Variants in SPOCK3 observed in about 807,000 individuals in gnomAD.
The protein encoded by SPOCK3 is SPARC (osteonectin), cwcv and kazal like domains proteoglycan 3, also known as testican-3.
A neutral mutation model predicts 56.6 loss-of-function variants in SPOCK3; 30 were observed. The observed-to-expected ratio is 0.53, with a 90% CI of 0.40 to 0.72. The LOEUF (loss-of-function observed/expected upper bound fraction) is 0.72. Among genes scored for constraint, SPOCK3 ranks in the 30% least tolerant of loss-of-function variants. The probability of loss-of-function intolerance (pLI) is 0.00; values close to 1 mark genes in which losing one functional copy is unlikely to be tolerated. For missense variants in SPOCK3, 527 were observed against 530.0 expected (o/e 0.99, Z 0.06); for synonymous variants, 196 against 183.3 (o/e 1.07, Z -0.56).
At chr4:167,159,055 G>A (rs1765056974) in intron 2 of SPOCK3, among the ~76,000 whole-genome samples, 1 of 151,850 alleles carries the variant, frequency 6.6e-6, no homozygotes, top group Non-Finnish European at 1.5e-5. Flanking sequence ...GTTAGCAAAA[G>A]CACAGGAACT....
chr4:167,155,024 A>T (rs1003690321), intron 2 of SPOCK3, among the ~76,000 whole-genome samples: 2 of 152,130 alleles, frequency 1.3e-5, no homozygotes, highest in Non-Finnish European at 2.9e-5. Flanking sequence ...TCATTCATCC[A>T]AGTAAGTTTT....
chr4:167,130,206 TC>T (rs1335306156), intron 2 of SPOCK3, among the ~76,000 whole-genome samples: 3 of 152,026 alleles, frequency 2.0e-5, no homozygotes, highest in Admixed American at 1.3e-4. Context: ...CCTCAAGCAA[TC>T]CTCCTGCCTC....
rs531466451 is a variant in SPOCK3 at position 167,038,437 on chromosome 4, T to C, written c.235+24055A>G. 7.2e-5 allele frequency among the ~76,000 whole-genome samples: 11 copies of C among 152,314 alleles called. No homozygotes were observed. The East Asian group carries it at 2.1e-3, about 29-fold the overall frequency. ...TCTGATTATCTACAAATTTATGTTA[T>C]ATTTTCTAGCTAATCTTGAAAAAAG... On this transcript the variant is annotated intron_variant, in intron 3 of 10. Transcript: ENST00000357545.
At chr4:166,795,273 T>C (rs1741809491) in intron 6 of SPOCK3, among the ~76,000 whole-genome samples, 1 of 152,112 alleles carries the variant, frequency 6.6e-6, no homozygotes, top group Non-Finnish European at 1.5e-5. Flanking sequence ...CATCTTTTCC[T>C]ACCAAAAAAC....
intron 2 of SPOCK3, among the ~76,000 whole-genome samples, chr4:167,157,134 T>C (rs1188418251): frequency 6.6e-6 from 1 of 152,006 alleles, no homozygotes; most frequent in Non-Finnish European, 1.5e-5. Flanking sequence ...TTTAACAATC[T>C]ATGAAACAGA....
intron 4 of SPOCK3, among the ~76,000 whole-genome samples, chr4:166,987,692 A>G (rs1048307736): frequency 6.6e-6 from 1 of 152,218 alleles, no homozygotes; most frequent in Non-Finnish European, 1.5e-5. Flanking sequence ...GCCCTGTGGA[A>G]AAGTAGTTTC....
intron 2 of SPOCK3, among the ~76,000 whole-genome samples, chr4:167,115,055 T>C (rs1170482800): frequency 6.6e-6 from 1 of 152,080 alleles, no homozygotes; most frequent in African/African-American, 2.4e-5. Flanking sequence ...TATAAGAAGA[T>C]TATATAGCTA....
intron 2 of SPOCK3, chr4:167,119,656 C>T (rs946374886): frequency 1.0e-5 from 6 of 596,798 alleles, no homozygotes; most frequent in Non-Finnish European, 1.7e-5. Context: ...TGACATCAGT[C>T]ATAGACTTGT....
chr4:166,984,949 G>A (rs890817281), intron 4 of SPOCK3, among the ~76,000 whole-genome samples: 1 of 152,028 alleles, frequency 6.6e-6, no homozygotes, highest in African/African-American at 2.4e-5. Context: ...TAACCAAAGT[G>A]AGTTTGGCTT....
chr4:166,899,119 C>T (rs372952848), intron 5 of SPOCK3, among the ~76,000 whole-genome samples: 5 of 151,958 alleles, frequency 3.3e-5, no homozygotes, highest in African/African-American at 1.2e-4. Context: ...TTGACTCTCA[C>T]ACCTTGGGCC....
intron 2 of SPOCK3, among the ~76,000 whole-genome samples, chr4:167,157,753 A>AACAC (rs147752913): frequency 6.6e-6 from 1 of 150,542 alleles, no homozygotes; most frequent in African/African-American, 2.4e-5. Flanking sequence ...TTATTGTTTA[A>AACAC]ACACACACAC....
At chr4:167,153,335 A>G (rs1016121352) in intron 2 of SPOCK3, among the ~76,000 whole-genome samples, 2 of 152,258 alleles carry the variant, frequency 1.3e-5, no homozygotes, top group African/African-American at 4.8e-5. Context: ...CCCATGGGAC[A>G]GTAAAGCAGA....
chr4:166,871,759 T>C (rs1190950485), intron 6 of SPOCK3, among the ~76,000 whole-genome samples: 1 of 151,358 alleles, frequency 6.6e-6, no homozygotes, highest in East Asian at 1.9e-4. Context: ...AATTACAAAC[T>C]AAAATATCTT....
intron 4 of SPOCK3, among the ~76,000 whole-genome samples, chr4:166,921,489 G>C (rs1349738223): frequency 6.6e-6 from 1 of 151,996 alleles, no homozygotes; most frequent in Non-Finnish European, 1.5e-5. Context: ...GCTAATTTTT[G>C]TATTTTTTGT....
chr4:166,828,072 C>T (rs558722881), intron 6 of SPOCK3, among the ~76,000 whole-genome samples: 1 of 151,888 alleles, frequency 6.6e-6, no homozygotes, highest in East Asian at 1.9e-4. Context: ...TAATCATTTC[C>T]CCTTATTTCT....
intron 4 of SPOCK3, among the ~76,000 whole-genome samples, chr4:166,929,311 A>C (rs1187242197): frequency 6.6e-6 from 1 of 152,224 alleles, no homozygotes; most frequent in Non-Finnish European, 1.5e-5. Context: ...TTCCCACTGC[A>C]GAAGTGAGTA....
intron 6 of SPOCK3, among the ~76,000 whole-genome samples, chr4:166,801,196 A>G (rs1472896313): frequency 6.6e-6 from 1 of 152,024 alleles, no homozygotes; most frequent in East Asian, 1.9e-4. Context: ...TATTGATCAT[A>G]CTCATCAACT....
rs1313983146 is a variant in SPOCK3 at position 166,954,008 on chromosome 4, G to A, written c.351-41265C>T. Among the ~76,000 whole-genome samples, 7 of 152,074 alleles carry A rather than the reference G, an allele frequency of 4.6e-5. No individual in the cohort carries two copies. The South Asian group carries it at 1.5e-3, about 32-fold the overall frequency. ...TAGATGACGAGTTAGTGGGTGCAGT[G>A]CACTAGCATGGCACATGTATACATA... On this transcript the variant is annotated intron_variant, in intron 4 of 10. Transcript: ENST00000357545.
chr4:167,180,871 T>C (rs1025702607), intron 2 of SPOCK3, among the ~76,000 whole-genome samples: 3 of 152,198 alleles, frequency 2.0e-5, no homozygotes, highest in Admixed American at 6.5e-5. Context: ...GATGAGGTGA[T>C]AATAAGTAGA....
Sources: gnomAD v4.1 joint callset for allele counts (sites outside exome capture counted in the v4.1 genomes callset) on GRCh38, gnomAD v4.1.1 for gene constraint, MANE v1.5 for transcripts, NCBI Gene and HGNC (gene_info 2026-07-23, HGNC 2026-07-21) for gene names.